The following EXOC6B variants were observed in gnomAD, a reference collection of about 807,000 sequenced individuals.
The protein encoded by EXOC6B is exocyst complex component 6B.
In EXOC6B, 54 loss-of-function variants were observed where a neutral mutation model predicts 113.5. The ratio of observed to expected loss-of-function variants is 0.48; its 90% confidence interval spans 0.38 to 0.60. The LOEUF (loss-of-function observed/expected upper bound fraction) is 0.60. Among genes scored for constraint, EXOC6B ranks in the 20% least tolerant of loss-of-function variants. EXOC6B has a pLI of 0.00. For missense variants in EXOC6B, 797 were observed against 977.5 expected (o/e 0.82, Z 2.46); for synonymous variants, 357 against 339.0 (o/e 1.05, Z -0.58).
intron 8 of EXOC6B, 37 bp from the exon 9 acceptor site, chr2:72,515,163 G>A (rs1334553048): frequency 6.6e-7 from 1 of 1,524,914 alleles, no homozygotes; most frequent in Admixed American, 1.9e-5. Flanking sequence ...TGACACAATT[G>A]GACCAATTAC....
At chr2:72,553,057 C>T (rs1703330765) in intron 8 of EXOC6B, among the ~76,000 whole-genome samples, 1 of 151,902 alleles carries the variant, frequency 6.6e-6, no homozygotes, top group South Asian at 2.1e-4. Context: ...AAAAAAGTCA[C>T]TATCTACAGA....
chr2:72,235,091 A>T (rs1395379941), intron 20 of EXOC6B, among the ~76,000 whole-genome samples: 1 of 152,182 alleles, frequency 6.6e-6, no homozygotes, highest in Non-Finnish European at 1.5e-5. Flanking sequence ...TAAAGATGCA[A>T]GCATGTGTAT....
intron 11 of EXOC6B, among the ~76,000 whole-genome samples, chr2:72,509,826 C>G (rs1219351987): frequency 6.6e-6 from 1 of 151,638 alleles, no homozygotes; most frequent in Non-Finnish European, 1.5e-5. Flanking sequence ...TTATTTATTT[C>G]TTTTTATTTA....
intron 18 of EXOC6B, among the ~76,000 whole-genome samples, chr2:72,409,572 A>T (rs1161428984): frequency 2.0e-5 from 3 of 152,204 alleles, no homozygotes; most frequent in African/African-American, 7.2e-5. Flanking sequence ...TTGTAGGGAC[A>T]TGGATGAAGC....
At chr2:72,712,476 A>G (rs1003321162) in intron 6 of EXOC6B, among the ~76,000 whole-genome samples, 1 of 152,110 alleles carries the variant, frequency 6.6e-6, no homozygotes, top group African/African-American at 2.4e-5. Flanking sequence ...CTTTTAAGCT[A>G]TTAAGGTTGT....
rs7563738 is a variant in EXOC6B, at chr2:72,437,407, G to A, written c.1980+27753C>T. 2.2e-4 allele frequency among the ~76,000 whole-genome samples: 34 copies of A among 152,252 alleles called. 1 individual carries two copies. In the East Asian group the frequency reaches 5.6e-3, roughly 25 times the overall value. ...CCCACTTGAGGAGGCAGTCTGTTCC[G>A]TAGCAGAACTTGAGTGCTGTACTGG... On this transcript the variant is annotated intron_variant, in intron 18 of 21. Transcript: ENST00000272427.
At chr2:72,369,744 A>C (rs1367006897) in intron 19 of EXOC6B, among the ~76,000 whole-genome samples, 3 of 152,228 alleles carry the variant, frequency 2.0e-5, no homozygotes, top group Non-Finnish European at 4.4e-5. Flanking sequence ...CAAACCTGAC[A>C]AAAGCAAGAA....
At chr2:72,189,276 C>T (rs1678653884) in intron 20 of EXOC6B, among the ~76,000 whole-genome samples, 1 of 152,022 alleles carries the variant, frequency 6.6e-6, no homozygotes, top group Non-Finnish European at 1.5e-5. Flanking sequence ...GAATATAGTT[C>T]CCCTGCCTCC....
intron 2 of EXOC6B, 39 bp from the exon 3 acceptor site, chr2:72,733,157 C>T (rs1409309648): frequency 7.1e-7 from 1 of 1,404,220 alleles, no homozygotes; most frequent in Admixed American, 1.9e-5. Flanking sequence ...AAAAAACAAA[C>T]ATTTAGACAA....
At chr2:72,339,669 T>A (rs1233194595) in intron 19 of EXOC6B, among the ~76,000 whole-genome samples, 3 of 152,150 alleles carry the variant, frequency 2.0e-5, no homozygotes, top group East Asian at 1.9e-4. Context: ...TCAAAGCTGG[T>A]ATCAGGACCT....
intron 6 of EXOC6B, among the ~76,000 whole-genome samples, chr2:72,606,799 C>G (rs754866064): frequency 6.6e-6 from 1 of 151,858 alleles, no homozygotes; most frequent in Non-Finnish European, 1.5e-5. Context: ...TTAGTAGGGA[C>G]AGGGTTTCAC....
Position 72,636,054 on chromosome 2 carries a change from C to T in EXOC6B, c.670-60386G>A, listed in dbSNP as rs147999776. ...CAACATAGGCTTAGGCTATAAGAAACAAAAAATTTCTTTAAAAAATTAGTC... is the reference window on the plus strand; with the variant it reads ...CAACATAGGCTTAGGCTATAAGAAATAAAAAATTTCTTTAAAAAATTAGTC... On this transcript the variant is annotated intron_variant, in intron 6 of 21. Coordinates refer to ENST00000272427, the MANE Select transcript of EXOC6B (RefSeq NM_015189.3). Among the ~76,000 whole-genome samples the T allele has an allele frequency of 1.3e-3, 196 of 152,012 alleles. 1 individual carries two copies. The highest frequency in any genetic ancestry group is 4.3e-3 in the African/African-American group (178 of 41,484).
chr2:72,418,889 T>A (rs1357555270), intron 18 of EXOC6B, among the ~76,000 whole-genome samples: 2 of 152,188 alleles, frequency 1.3e-5, no homozygotes, highest in African/African-American at 2.4e-5. Flanking sequence ...TGTCCCCCCC[T>A]TATTTCCTGC....
chr2:72,709,599 T>C (rs1679135185), intron 6 of EXOC6B, among the ~76,000 whole-genome samples: 1 of 152,160 alleles, frequency 6.6e-6, no homozygotes, highest in Admixed American at 6.5e-5. Context: ...ACCACGTAAC[T>C]GAGAAACACA....
chr2:72,204,575 C>T (rs1407936933), intron 20 of EXOC6B, among the ~76,000 whole-genome samples: 2 of 152,002 alleles, frequency 1.3e-5, no homozygotes, highest in Non-Finnish European at 2.9e-5. Context: ...AGCAGGTGAC[C>T]TCCTGTTAAC....
chr2:72,639,794 C>T (rs1342097084), intron 6 of EXOC6B, among the ~76,000 whole-genome samples: 1 of 152,124 alleles, frequency 6.6e-6, no homozygotes, highest in South Asian at 2.1e-4. Flanking sequence ...CAAAGCCAGT[C>T]GGCTGAATCC....
intron 18 of EXOC6B, among the ~76,000 whole-genome samples, chr2:72,422,329 C>T (rs886357617): frequency 6.6e-6 from 1 of 152,256 alleles, no homozygotes; most frequent in Non-Finnish European, 1.5e-5. Context: ...TATTATCTAG[C>T]TCATGGATTG....
intron 19 of EXOC6B, among the ~76,000 whole-genome samples, chr2:72,337,169 T>C (rs1016832772): frequency 1.3e-5 from 2 of 152,186 alleles, no homozygotes; most frequent in Middle Eastern, 3.2e-3. Context: ...AATTTTCCTA[T>C]ACTATGCTCC....
Position 72,421,905 on chromosome 2 carries a change from CG to C in EXOC6B, c.1981-42036del, listed in dbSNP as rs372697016. 6.6e-5 allele frequency among the ~76,000 whole-genome samples: 10 copies of C among 152,332 alleles called. No homozygotes were observed. The South Asian group carries it at 1.9e-3, about 28-fold the overall frequency. On this transcript the variant is annotated intron_variant, in intron 18 of 21. Transcript: ENST00000272427. ...GAGTTCCGGGTGGGCATGGTCTTGG[CG>C]GCCCCGCACTCAGAGCAGCCGGCCA...
Sources: allele counts gnomAD v4.1 joint callset (sites outside exome capture counted in the v4.1 genomes callset), GRCh38; gene constraint gnomAD v4.1.1; transcripts MANE v1.5; gene names NCBI Gene and HGNC (gene_info 2026-07-23, HGNC 2026-07-21).